The following MICALL2 variants were observed in gnomAD, a reference collection of about 807,000 sequenced individuals.
The protein encoded by MICALL2 is MICAL like 2.
Under a neutral mutation model 91.1 loss-of-function variants are expected in MICALL2, and 111 were observed. The ratio of observed to expected loss-of-function variants is 1.22; its 90% CI spans 1.04 to 1.43. The LOEUF (loss-of-function observed/expected upper bound fraction) is 1.43, where lower values mean the gene tolerates loss of function less well. Among genes scored for constraint, MICALL2 ranks in the 40% most tolerant of loss-of-function variants. MICALL2 has a pLI of 0.00. For synonymous variants in MICALL2, 694 were observed against 525.3 expected, an observed-to-expected ratio of 1.32 and a Z score of -4.39; for missense variants, 1,556 against 1,236.0, an observed-to-expected ratio of 1.26 and a Z score of -3.88.
Position 1,442,068 on chromosome 7 carries a change from G to C in MICALL2, c.1711+124C>G, listed in dbSNP as rs113861467. 38 of 1,113,758 alleles carry C rather than the reference G, an allele frequency of 3.4e-5. No homozygotes were observed. The African/African-American group carries it at 4.0e-4, about 12-fold the overall frequency. 69.0% of individuals were successfully genotyped at this position (1,113,758 alleles called of 1,614,324 possible). ...GCGAGCAGGTGTCACGGAGGACAGA[G>C]ATGAGACGGAGAGGAAGGCGGGCGG... On this transcript the variant is annotated intron_variant, in intron 7 of 16. Coordinates refer to ENST00000297508, the MANE Select transcript of MICALL2 (RefSeq NM_182924.4).
rs984132226 is a variant in MICALL2 at position 1,458,986 on chromosome 7, G to A, written c.143+198C>T. 2.0e-5 allele frequency among the ~76,000 whole-genome samples: 3 copies of A among 152,310 alleles called. No homozygotes were observed. The East Asian group carries it at 5.8e-4, about 29-fold the overall frequency. ...CAGCCGGCGGGCGGGGGATGCCATGGCTCTGGCCCAGCTGCATTCGGTGTC... is the reference window on the plus strand; with the variant it reads ...CAGCCGGCGGGCGGGGGATGCCATGACTCTGGCCCAGCTGCATTCGGTGTC... On this transcript the variant is annotated intron_variant, in intron 1 of 16. Coordinates refer to ENST00000297508, the MANE Select transcript of MICALL2 (RefSeq NM_182924.4).
chr7:1,437,823 C>T (rs373390508), intron 13 of MICALL2, 67 bp downstream of exon 13: 58 of 1,449,194 alleles, frequency 4.0e-5, no homozygotes, highest in African/African-American at 3.1e-4. Context: ...TCCTGTCCCC[C>T]GCCTGGCCTG....
At chr7:1,439,107 C>G in intron 9 of MICALL2, 112 bp from the exon 10 acceptor site, 1 of 837,352 alleles carries the variant, frequency 1.2e-6, no homozygotes, top group Middle Eastern at 3.6e-4. Context: ...TCCCCATGCC[C>G]TGGGCCTCCC....
rs568350028 is a variant in MICALL2, at chr7:1,455,051, C to T, written c.143+4133G>A. ...CAAATCCGACAAATGCCCCCAGCCA[C>T]GAACCCCAAGAAGGAGGCCGCAATG... On this transcript the variant is annotated intron_variant, in intron 1 of 16. Transcript: ENST00000297508. 2.0e-4 allele frequency among the ~76,000 whole-genome samples: 30 copies of T among 152,342 alleles called. No individual in the cohort carries two copies. In the East Asian group the frequency reaches 3.9e-3, roughly 20 times the overall value.
chr7:1,442,772 T>C (rs917116254), intron 6 of MICALL2, among the ~76,000 whole-genome samples: 1 of 152,018 alleles, frequency 6.6e-6, no homozygotes, highest in Non-Finnish European at 1.5e-5. Context: ...CATGAGCATA[T>C]GCTGTGGTTG....
rs1414677231 is a variant in MICALL2 at position 1,450,204 on chromosome 7, T to A, written c.192+36A>T. ...CGTGGGTGGGGCTCAGCAGGCTGGC[T>A]AAGCCAGCTGTGAGGCCGGGGCGGG... On this transcript the variant is annotated intron_variant, in intron 2 of 16. Coordinates refer to ENST00000297508, the MANE Select transcript of MICALL2 (RefSeq NM_182924.4). 1.9e-6 allele frequency: 3 copies of A among 1,599,300 alleles called. No individual in the cohort carries two copies. The South Asian group carries it at 3.3e-5, about 18-fold the overall frequency.
chr7:1,443,853 G>T (rs1376547154), intron 6 of MICALL2, among the ~76,000 whole-genome samples: 1 of 152,226 alleles, frequency 6.6e-6, no homozygotes, highest in African/African-American at 2.4e-5. Context: ...AAGCCGCCCA[G>T]TGAGGGGGTC....
In MICALL2 at chr7:1,451,867, G is replaced by A. The variant is rs778644029; in HGVS notation, c.144-1579C>T. Among the ~76,000 whole-genome samples the A allele has an allele frequency of 1.3e-5, 2 of 152,204 alleles. No individual in the cohort carries two copies. The highest frequency in any genetic ancestry group is 2.9e-5 in the Non-Finnish European group (2 of 68,034). Reference sequence around the variant, plus strand: ...CCTAGTTCTGAGCCCAGCCTGCACAGCCCTTGCCAGGCCCTGACCCCCATA... The same window carrying A: ...CCTAGTTCTGAGCCCAGCCTGCACAACCCTTGCCAGGCCCTGACCCCCATA... On this transcript the variant is annotated intron_variant, in intron 1 of 16. Coordinates refer to ENST00000297508, the MANE Select transcript of MICALL2 (RefSeq NM_182924.4). This position sits in a 1 kb window ranked among gnomAD's most constrained non-coding sequence, Gnocchi z 4.5.
chr7:1,451,116 A>T lies in MICALL2; in HGVS notation c.144-828T>A, dbSNP rs1780810921. 6.6e-6 allele frequency among the ~76,000 whole-genome samples: 1 copy of T among 152,128 alleles called. No homozygotes were observed. The highest frequency in any genetic ancestry group is 1.5e-5 in the Non-Finnish European group (1 of 68,010). On this transcript the variant is annotated intron_variant, in intron 1 of 16. Transcript: ENST00000297508. The surrounding 1 kb of genome is among the most constrained non-coding windows in gnomAD (Gnocchi z 4.5). ...CTGACTCGCACACTACACCACAGGGATGCAAGGGTCCCGGGAAGTTCCCGA... is the reference window on the plus strand; with the variant it reads ...CTGACTCGCACACTACACCACAGGGTTGCAAGGGTCCCGGGAAGTTCCCGA...
rs541543177 is a variant in MICALL2 at position 1,448,019 on chromosome 7, C to T, written c.335-254G>A. Reference sequence around the variant, plus strand: ...TTTTCTGTTTCTCCAGCAGGCAGGGCAGGCCCTGTGCCCGGAATGGTTCTG... The same window carrying T: ...TTTTCTGTTTCTCCAGCAGGCAGGGTAGGCCCTGTGCCCGGAATGGTTCTG... On this transcript the variant is annotated intron_variant, in intron 3 of 16. Coordinates refer to ENST00000297508, the MANE Select transcript of MICALL2 (RefSeq NM_182924.4). The T allele has an allele frequency of 3.7e-3, 954 of 259,254 alleles. 3 individuals carry two copies. The highest frequency in any genetic ancestry group is 4.5e-3 in the South Asian group (34 of 7,530). 16.1% of individuals were successfully genotyped at this position (259,254 alleles called of 1,614,324 possible). A position where few individuals can be genotyped will look rare whatever the true frequency, so the allele number is the denominator to read the frequency against.
In MICALL2 at chr7:1,446,798, T is replaced by C. The variant is rs1299070176; in HGVS notation, c.556A>G (p.Ser186Gly). The change falls in exon 5 of 17, where the codon AGC (serine) becomes GGC (glycine). Residue 186 changes from serine (S) to glycine (G), a missense_variant. Ser to Gly is a moderately conservative substitution (Grantham distance 56, BLOSUM62 0). Coordinates refer to ENST00000297508, the MANE Select transcript of MICALL2 (RefSeq NM_182924.4). ...TGCTTGCCGCAGACCCCGCAGGTGC[T>C]GCTGACCAAGCTGCCCGCCAATGCC... is the stretch of plus-strand genomic sequence containing the variant. ...DQALAGSLVS[S>G]TCGVCGKHVH... is the part of the protein sequence containing the mutation. 1.2e-6 allele frequency: 2 copies of C among 1,603,886 alleles called. No individual in the cohort carries two copies. Among genetic ancestry groups the C allele is most frequent in the Admixed American group, 1.7e-5 (1 of 59,370 alleles).
At chr7:1,437,092 G>C (rs1052969905) in intron 14 of MICALL2, 1 of 496,676 alleles carries the variant, frequency 2.0e-6, no homozygotes, top group Non-Finnish European at 3.5e-6. Flanking sequence ...ACTCGCTGCA[G>C]AGATATGGAC....
chr7:1,442,079 G>C, intron 7 of MICALL2, 113 bp downstream of exon 7: 1 of 1,212,116 alleles, frequency 8.3e-7, no homozygotes, highest in South Asian at 1.4e-5. Flanking sequence ...ATGAGACGGA[G>C]AGGAAGGCGG....
Position 1,445,075 on chromosome 7 carries a change from G to T in MICALL2, c.995C>A (p.Thr332Lys), listed in dbSNP as rs374485082. ...CACACGAGGGCGGACTTTCCCCTCC[G>T]TGGGAGTGGGGGCCAGGCGGCTCTC... ...PSESRLAPTP[T>K]EGKVRPRVTN... The change falls in exon 6 of 17, where the codon ACG becomes AAG. Residue 332 changes from threonine to lysine, a missense_variant. By Grantham distance (78) the Thr-to-Lys change is moderately conservative. Transcript: ENST00000297508. The T allele has an allele frequency of 2.6e-6, 4 of 1,550,436 alleles. No homozygotes were observed.
intron 1 of MICALL2, 110 bp downstream of exon 1, chr7:1,459,074 G>T: frequency 8.6e-7 from 1 of 1,163,792 alleles, no homozygotes; most frequent in Non-Finnish European, 1.2e-6. Flanking sequence ...TGCCTGCCCA[G>T]TCCCACGCCT....
chr7:1,449,575 G>A (rs111421941), intron 2 of MICALL2, among the ~76,000 whole-genome samples: 164 of 152,388 alleles, frequency 1.1e-3, no homozygotes, highest in African/African-American at 3.7e-3. Context: ...TCCCCGTGCT[G>A]AGCAGGGCAG....
intron 1 of MICALL2, among the ~76,000 whole-genome samples, chr7:1,453,951 C>T (rs534617866): frequency 6.6e-6 from 1 of 152,254 alleles, no homozygotes; most frequent in Non-Finnish European, 1.5e-5. Flanking sequence ...ACAAGATTTG[C>T]CCTGGCCAAC....
chr7:1,458,397 C>T (rs1048907755), intron 1 of MICALL2, among the ~76,000 whole-genome samples: 1 of 152,232 alleles, frequency 6.6e-6, no homozygotes, highest in African/African-American at 2.4e-5. Context: ...CCGTTGAGGG[C>T]CCCCCTTCCT....
chr7:1,448,370 A>T (rs1205351343), intron 3 of MICALL2, among the ~76,000 whole-genome samples: 1 of 152,202 alleles, frequency 6.6e-6, no homozygotes, highest in African/African-American at 2.4e-5. Context: ...CTCCTGCAGC[A>T]GGATGAGGGC....
Sources: allele counts gnomAD v4.1 joint callset (sites outside exome capture counted in the v4.1 genomes callset), GRCh38; gene constraint gnomAD v4.1.1; non-coding constraint Gnocchi (gnomAD v3.1); transcripts MANE v1.5; gene names NCBI Gene and HGNC (gene_info 2026-07-23, HGNC 2026-07-21).